PLSCR4: variants seen among roughly 807,000 people sequenced by gnomAD.
PLSCR4 encodes the protein Ca(2+)-dependent phospholipid scramblase 4.
PLSCR4 carries 25 observed loss-of-function variants against 36.3 expected under a neutral mutation model. The observed-to-expected ratio is 0.69, with a 90% CI of 0.50 to 0.96. The LOEUF is 0.96. Among genes scored for constraint, PLSCR4 ranks in the 40% least tolerant of loss-of-function variants. The probability of loss-of-function intolerance (pLI) is 0.00; values close to 1 mark genes in which losing one functional copy is unlikely to be tolerated. For synonymous variants in PLSCR4, 122 were observed against 132.9 expected, an observed-to-expected ratio of 0.92 and a Z score of 0.56; for missense variants, 408 against 414.7, an observed-to-expected ratio of 0.98 and a Z score of 0.14.
At chr3:146,206,498 G>T (rs926748868) in intron 4 of PLSCR4, 28 bp downstream of exon 4, 6 of 1,522,860 alleles carry the variant, frequency 3.9e-6, no homozygotes, top group Non-Finnish European at 5.5e-6. Context: ...CATTTCATAA[G>T]AAAATAATTT....
intron 1 of PLSCR4, among the ~76,000 whole-genome samples, chr3:146,247,161 T>G (rs531423595): frequency 3.9e-4 from 59 of 152,322 alleles, no homozygotes; most frequent in African/African-American, 1.3e-3. Flanking sequence ...TGACAACAAG[T>G]TAAATCGTTT....
chr3:146,222,059 A>T lies in PLSCR4; in HGVS notation c.7+6T>A. 1 of 1,244,718 alleles carries T rather than the reference A, an allele frequency of 8.0e-7. No homozygotes were observed. Among genetic ancestry groups the T allele is most frequent in the South Asian group, 1.5e-5 (1 of 64,892 alleles). 77.1% of individuals were successfully genotyped at this position (1,244,718 alleles called of 1,614,324 possible). A position where few individuals can be genotyped will look rare whatever the true frequency, so the allele number is the denominator to read the frequency against. ...AGCATATTCAAATTTATTCACAAAA[A>T]CTTACCTGACATTTTGAAGAATTCC... is the stretch of plus-strand genomic sequence containing the variant. On this transcript the variant is annotated splice_donor_region_variant and intron_variant, in intron 2 of 8. Coordinates refer to ENST00000354952, the MANE Select transcript of PLSCR4 (RefSeq NM_020353.3).
intron 3 of PLSCR4, among the ~76,000 whole-genome samples, chr3:146,217,260 T>C (rs2034941499): frequency 6.6e-6 from 1 of 152,196 alleles, no homozygotes; most frequent in Non-Finnish European, 1.5e-5. Context: ...GTACCTAACC[T>C]ATGCAGAGAA....
chr3:146,245,739 CAATA>C (rs10576482), intron 1 of PLSCR4, among the ~76,000 whole-genome samples: 115,949 of 151,352 alleles, frequency 0.77, 45,455 homozygotes, highest in Non-Finnish European at 0.86. Context: ...AAATTTTCTA[CAATA>C]AATGTATAAT....
chr3:146,222,985 G>A (rs1361907570), intron 1 of PLSCR4, among the ~76,000 whole-genome samples: 1 of 152,128 alleles, frequency 6.6e-6, no homozygotes, highest in African/African-American at 2.4e-5. Context: ...AGGGTTCTGA[G>A]TCATAGCCCA....
intron 1 of PLSCR4, among the ~76,000 whole-genome samples, chr3:146,247,964 T>C (rs1056908303): frequency 2.0e-5 from 3 of 152,164 alleles, no homozygotes; most frequent in Non-Finnish European, 4.4e-5. Context: ...ACTTTAGATG[T>C]TTTTCTTTTT....
At chr3:146,206,803 T>A in intron 3 of PLSCR4, 42 bp from the exon 4 acceptor site, 1 of 1,225,330 alleles carries the variant, frequency 8.2e-7, no homozygotes, top group Non-Finnish European at 1.1e-6. Flanking sequence ...TTATTAACAC[T>A]AAAGTTAGCA....
At chr3:146,218,849 C>G (rs149330057) in intron 3 of PLSCR4, among the ~76,000 whole-genome samples, 2 of 152,236 alleles carry the variant, frequency 1.3e-5, no homozygotes, top group Non-Finnish European at 2.9e-5. Context: ...GGAAATCATG[C>G]CATTTTCTCT....
At chr3:146,219,512 C>T (rs188153159) in intron 3 of PLSCR4, among the ~76,000 whole-genome samples, 135 of 152,150 alleles carry the variant, frequency 8.9e-4, no homozygotes, top group African/African-American at 3.0e-3. Context: ...GCATTTTATC[C>T]TCATAACACA....
At position 146,202,626 on chromosome 3, in the gene PLSCR4, A is replaced by G. The variant is rs115290307; in HGVS notation, c.355-1549T>C. On this transcript the variant is annotated intron_variant, in intron 4 of 8. Transcript: ENST00000354952. ...TTAACAAAAGATAATGAAGTTTGCCATATCAATTGACTGACTCTTCTCTGC... is the reference window on the plus strand; with the variant it reads ...TTAACAAAAGATAATGAAGTTTGCCGTATCAATTGACTGACTCTTCTCTGC... Among the ~76,000 whole-genome samples the G allele has an allele frequency of 6.3e-3, 952 of 152,116 alleles. 12 individuals carry two copies. Among genetic ancestry groups the G allele is most frequent in the African/African-American group, 0.02 (840 of 41,516 alleles).
intron 3 of PLSCR4, among the ~76,000 whole-genome samples, chr3:146,208,463 C>T (rs1188538500): frequency 6.6e-6 from 1 of 152,014 alleles, no homozygotes; most frequent in Non-Finnish European, 1.5e-5. Flanking sequence ...TTTTGCACAG[C>T]AAAAACAACA....
intron 1 of PLSCR4, among the ~76,000 whole-genome samples, chr3:146,247,789 AT>A: frequency 6.6e-6 from 1 of 152,028 alleles, no homozygotes; most frequent in Non-Finnish European, 1.5e-5. Context: ...TGCCTGGCTA[AT>A]TTTTAAATTT....
chr3:146,214,102 T>C (rs981699960), intron 3 of PLSCR4, among the ~76,000 whole-genome samples: 1 of 151,872 alleles, frequency 6.6e-6, no homozygotes, highest in Non-Finnish European at 1.5e-5. Flanking sequence ...GTTTGATTAC[T>C]GATTTGATAT....
chr3:146,225,571 C>T (rs376460186), intron 1 of PLSCR4, among the ~76,000 whole-genome samples: 25 of 152,312 alleles, frequency 1.6e-4, no homozygotes, highest in Admixed American at 3.3e-4. Flanking sequence ...TCCCGAGCCC[C>T]GCCCCGCAGG....
chr3:146,247,645 C>A (rs1238794117), intron 1 of PLSCR4, among the ~76,000 whole-genome samples: 3 of 152,238 alleles, frequency 2.0e-5, no homozygotes, highest in Non-Finnish European at 2.9e-5. Flanking sequence ...ATTTTTGAGG[C>A]AGGGTCTCTT....
Position 146,196,737 on chromosome 3 carries a change from G to A in PLSCR4, c.681C>T (p.Asn227=). Residue 227 remains asparagine (N), a synonymous_variant, in exon 7 of 9, where the codon AAC becomes AAT. Transcript: ENST00000354952. ...GGATGCTGTACACCGCCCTGCACAG[G>A]TTCCAATGTTCCGCAACAAAGCCAA... ...VTIGFVAEHW[N]LCRAVYSIQN... 6.2e-7 allele frequency: 1 copy of A among 1,613,804 alleles called. No homozygotes were observed. The highest frequency in any genetic ancestry group is 8.5e-7 in the Non-Finnish European group (1 of 1,179,850).
intron 4 of PLSCR4, among the ~76,000 whole-genome samples, chr3:146,204,548 T>A (rs993532088): frequency 1.3e-5 from 2 of 151,994 alleles, no homozygotes; most frequent in Admixed American, 1.3e-4. Flanking sequence ...TAGGACAGAA[T>A]TAAAAAACCA....
chr3:146,205,862 T>C (rs2034300473), intron 4 of PLSCR4, among the ~76,000 whole-genome samples: 1 of 152,010 alleles, frequency 6.6e-6, no homozygotes, highest in Non-Finnish European at 1.5e-5. Flanking sequence ...AAGCAGGTTT[T>C]TTAGTTTCAG....
At chr3:146,209,295 G>C (rs1235148695) in intron 3 of PLSCR4, among the ~76,000 whole-genome samples, 1 of 151,976 alleles carries the variant, frequency 6.6e-6, no homozygotes, top group Non-Finnish European at 1.5e-5. Flanking sequence ...GGGATAAAAG[G>C]CTACAAATTG....
Sources: gnomAD v4.1 joint callset for allele counts (sites outside exome capture counted in the v4.1 genomes callset) on GRCh38, gnomAD v4.1.1 for gene constraint, MANE v1.5 for transcripts, NCBI Gene and HGNC (gene_info 2026-07-23, HGNC 2026-07-21) for gene names.